ERICH1: variants seen among roughly 807,000 people sequenced by gnomAD.
ERICH1 encodes glutamate rich 1.
Under a neutral mutation model 39.6 loss-of-function variants are expected in ERICH1, and 56 were observed. The ratio of observed to expected loss-of-function variants is 1.41; its 90% CI spans 1.14 to 1.77. The LOEUF (loss-of-function observed/expected upper bound fraction) is 1.77. Ranked by LOEUF, ERICH1 falls within the 40% of genes most tolerant of loss-of-function variation. The probability of loss-of-function intolerance (pLI) is 0.00; values close to 1 mark genes in which losing one functional copy is unlikely to be tolerated. For missense variants in ERICH1, 826 were observed against 575.4 expected (o/e 1.44, Z -4.45); for synonymous variants, 313 against 223.6 (o/e 1.40, Z -3.57).
chr8:683,865 A>G (rs1806713755), intron 3 of ERICH1, among the ~76,000 whole-genome samples: 1 of 152,220 alleles, frequency 6.6e-6, no homozygotes, highest in African/African-American at 2.4e-5. Flanking sequence ...CCAAATACAC[A>G]TTATTTCATA....
chr8:628,444 T>A (rs1450818752), intron 3 of ERICH1, among the ~76,000 whole-genome samples: 2 of 152,222 alleles, frequency 1.3e-5, no homozygotes, highest in African/African-American at 4.8e-5. Context: ...GCCTGCACCT[T>A]CCTGGCAACT....
chr8:693,788 GTCA>G (rs1809508444), intron 2 of ERICH1, among the ~76,000 whole-genome samples: 1 of 152,134 alleles, frequency 6.6e-6, no homozygotes. Flanking sequence ...TCTACCAGAG[GTCA>G]TCACCACCGT....
chr8:698,642 G>A (rs555200587), intron 2 of ERICH1, among the ~76,000 whole-genome samples: 54 of 152,206 alleles, frequency 3.5e-4, no homozygotes, highest in Non-Finnish European at 2.6e-4. Flanking sequence ...TAGAGACAGG[G>A]TCTCACTCTG....
chr8:673,760 C>G lies in ERICH1; in HGVS notation c.592G>C (p.Glu198Gln), dbSNP rs1157498163. ...CAAGCCTCTCCCACGCCTTCCCCTTCATTGCTGCTGTCCTCGGGCTGGTAC... is the reference window on the plus strand; with the variant it reads ...CAAGCCTCTCCCACGCCTTCCCCTTGATTGCTGCTGTCCTCGGGCTGGTAC... The part of the protein sequence containing the change: ...FMYQPEDSSN[E>Q]GEGVGEACEE... The change falls in exon 4 of 6, where the codon GAA becomes CAA. Residue 198 changes from glutamate to glutamine, a missense_variant. By Grantham distance (29) the Glu-to-Gln change is conservative (BLOSUM62 2). Transcript: ENST00000262109. 2 of 1,613,902 alleles carry G rather than the reference C, an allele frequency of 1.2e-6. No homozygotes were observed. The highest frequency in any genetic ancestry group is 1.7e-6 in the Non-Finnish European group (2 of 1,180,038).
rs965979111 is a variant in ERICH1 at position 674,520 on chromosome 8, T to A, written c.305-473A>T. Among the ~76,000 whole-genome samples, 14 of 152,274 alleles carry A rather than the reference T, an allele frequency of 9.2e-5. No homozygotes were observed. In the East Asian group the frequency reaches 2.3e-3, roughly 25 times the overall value. On this transcript the variant is annotated intron_variant, in intron 3 of 5. Transcript: ENST00000262109. ...GGTTTCGCCATGTTGGCCAGGGTTG[T>A]CTCAAACTCCTGGTCTCAAGTGATC...
At chr8:650,781 G>A (rs755873133) in intron 3 of ERICH1, among the ~76,000 whole-genome samples, 6 of 152,168 alleles carry the variant, frequency 3.9e-5, no homozygotes, top group Admixed American at 6.5e-5. Flanking sequence ...CTGCAGAGCC[G>A]AGACCTGACC....
At chr8:717,920 G>A (rs547786482) in intron 1 of ERICH1, among the ~76,000 whole-genome samples, 39 of 152,370 alleles carry the variant, frequency 2.6e-4, no homozygotes, top group Admixed American at 6.5e-4. Flanking sequence ...AACAGCCACC[G>A]CCAGGAGACG....
intron 3 of ERICH1, among the ~76,000 whole-genome samples, chr8:631,938 A>G (rs1351118887): frequency 6.6e-6 from 1 of 151,936 alleles, no homozygotes; most frequent in Non-Finnish European, 1.5e-5. Flanking sequence ...TGGAACGCAA[A>G]CCCTCCTCTT....
rs771703982 is a variant in ERICH1 at position 668,773 on chromosome 8, A to G, written c.1083T>C (p.Ala361=). ...CAGCGGCATCTGCGAGGGCAGCTGA[A>G]GCTGCATCTCTGGAGACACCTACAT... ...YFYDGVSRDA[A]SAALADAAEE... The change falls in exon 5 of 6, where the codon GCT becomes GCC. Residue 361 remains alanine (A), a synonymous_variant. Transcript: ENST00000262109. 1.9e-6 allele frequency: 3 copies of G among 1,610,950 alleles called. No homozygotes were observed. In the East Asian group the frequency reaches 6.7e-5, roughly 36 times the overall value.
chr8:719,810 G>A (rs961086108), intron 1 of ERICH1, among the ~76,000 whole-genome samples: 6 of 152,074 alleles, frequency 3.9e-5, no homozygotes, highest in African/African-American at 7.2e-5. Context: ...TTCGTTCCAA[G>A]GACCATCACC....
chr8:633,915 C>A (rs188201073), intron 3 of ERICH1, among the ~76,000 whole-genome samples: 73 of 152,250 alleles, frequency 4.8e-4, no homozygotes, highest in Admixed American at 1.8e-3. Context: ...AAATGTGAGA[C>A]CTAAACCTCT....
At chr8:657,475 G>A (rs1281841879) in intron 3 of ERICH1, among the ~76,000 whole-genome samples, 1 of 151,920 alleles carries the variant, frequency 6.6e-6, no homozygotes, top group African/African-American at 2.4e-5. Flanking sequence ...ATGTTTTGGG[G>A]CTGGATTTAG....
chr8:677,530 AGT>A (rs1338874379), intron 3 of ERICH1, among the ~76,000 whole-genome samples: 1 of 152,142 alleles, frequency 6.6e-6, no homozygotes, highest in Admixed American at 6.5e-5. Context: ...TTCATCTGCG[AGT>A]GTGTGTTGTT....
chr8:662,148 C>G (rs1047010799), downstream of ERICH1, among the ~76,000 whole-genome samples: 1 of 152,072 alleles, frequency 6.6e-6, no homozygotes, highest in African/African-American at 2.4e-5. Context: ...GAACCACCAT[C>G]CCCTGCAAGG....
intron 3 of ERICH1, among the ~76,000 whole-genome samples, chr8:638,777 G>A (rs764896724): frequency 4.6e-5 from 7 of 152,036 alleles, no homozygotes; most frequent in Middle Eastern, 3.2e-3. Flanking sequence ...CTTTCGTTGC[G>A]TCAGCATTGA....
At chr8:677,375 G>A (rs1398377221) in intron 3 of ERICH1, among the ~76,000 whole-genome samples, 3 of 152,290 alleles carry the variant, frequency 2.0e-5, no homozygotes, top group East Asian at 3.9e-4. Context: ...TGTTGTGATT[G>A]GTATCCGTTC....
At chr8:687,138 G>C (rs1391966736) in intron 3 of ERICH1, among the ~76,000 whole-genome samples, 2 of 152,228 alleles carry the variant, frequency 1.3e-5, no homozygotes, top group Non-Finnish European at 2.9e-5. Flanking sequence ...AAGCCGTGAA[G>C]TTAGTAACTA....
chr8:688,807 G>T (rs189073565), intron 3 of ERICH1, among the ~76,000 whole-genome samples: 1 of 152,166 alleles, frequency 6.6e-6, no homozygotes. Context: ...AAAGGGTATC[G>T]ATGGGAAATC....
At chr8:682,837 G>A (rs192954988) in intron 3 of ERICH1, among the ~76,000 whole-genome samples, 5 of 152,286 alleles carry the variant, frequency 3.3e-5, no homozygotes, top group Admixed American at 2.0e-4. Context: ...ATTTTAAAGG[G>A]AATATGAACT....
Sources: allele counts gnomAD v4.1 joint callset (sites outside exome capture counted in the v4.1 genomes callset), GRCh38; gene constraint gnomAD v4.1.1; transcripts MANE v1.5; gene names NCBI Gene and HGNC (gene_info 2026-07-23, HGNC 2026-07-21).